Variants in DSTN observed in about 807,000 individuals in gnomAD.
DSTN encodes destrin, actin depolymerizing factor.
DSTN carries 10 observed loss-of-function variants against 16.8 expected under a neutral mutation model. The observed-to-expected ratio is 0.60, with a 90% CI of 0.37 to 1.01. The LOEUF is 1.01. DSTN is among the 50% of genes least tolerant of loss of function. The probability of loss-of-function intolerance (pLI) is 0.01; values close to 1 mark genes in which losing one functional copy is unlikely to be tolerated. For synonymous variants in DSTN, 57 were observed against 58.9 expected (o/e 0.97, Z 0.14); for missense variants, 141 against 196.7 (o/e 0.72, Z 1.69).
At chr20:17,603,611 C>T (rs768002197) in intron 2 of DSTN, among the ~76,000 whole-genome samples, 3 of 152,198 alleles carry the variant, frequency 2.0e-5, no homozygotes, top group Non-Finnish European at 2.9e-5. Context: ...GGGAGGGTTT[C>T]TGTCCGTTAC....
At chr20:17,572,592 T>G (rs1019073986) in intron 1 of DSTN, among the ~76,000 whole-genome samples, 2 of 152,210 alleles carry the variant, frequency 1.3e-5, no homozygotes, top group Non-Finnish European at 2.9e-5. Flanking sequence ...TAATCTGGAC[T>G]GTGGTCTCAC....
At chr20:17,604,133 C>CT (rs903947733) in intron 2 of DSTN, among the ~76,000 whole-genome samples, 6 of 152,110 alleles carry the variant, frequency 3.9e-5, no homozygotes, top group African/African-American at 1.4e-4. Flanking sequence ...TATTTTAAAA[C>CT]TTTTTTCCAA....
chr20:17,574,011 A>G (rs1358680372), intron 1 of DSTN, among the ~76,000 whole-genome samples: 2 of 152,056 alleles, frequency 1.3e-5, no homozygotes, highest in Non-Finnish European at 2.9e-5. Flanking sequence ...ACCAGCCTGG[A>G]CAATATAGTG....
intron 1 of DSTN, among the ~76,000 whole-genome samples, chr20:17,574,324 C>G (rs140391296): frequency 6.6e-6 from 1 of 152,156 alleles, no homozygotes; most frequent in Non-Finnish European, 1.5e-5. Flanking sequence ...GTTCAATACT[C>G]TCTGTTAATT....
intron 1 of DSTN, chr20:17,591,791 C>T (rs2035472317): frequency 1.5e-6 from 1 of 648,102 alleles, no homozygotes; most frequent in South Asian, 6.9e-5. Flanking sequence ...GGTGACATAG[C>T]TAGTTAGTAG....
intron 3 of DSTN, among the ~76,000 whole-genome samples, chr20:17,606,781 G>T (rs146168377): frequency 6.6e-6 from 1 of 152,162 alleles, no homozygotes; most frequent in Non-Finnish European, 1.5e-5. Context: ...GGCTGATTTT[G>T]TATGCTATAC....
intron 1 of DSTN, among the ~76,000 whole-genome samples, chr20:17,592,744 A>G (rs1233145770): frequency 6.6e-6 from 1 of 152,192 alleles, no homozygotes; most frequent in East Asian, 1.9e-4. Flanking sequence ...ATTATTAATT[A>G]GCCTCCTGAT....
chr20:17,579,702 C>T (rs971461788), intron 1 of DSTN, among the ~76,000 whole-genome samples: 2 of 152,170 alleles, frequency 1.3e-5, no homozygotes, highest in Non-Finnish European at 2.9e-5. Context: ...ACTTGCTATC[C>T]AAGTGGAAGA....
intron 1 of DSTN, among the ~76,000 whole-genome samples, chr20:17,589,499 C>T (rs901278489): frequency 6.6e-6 from 1 of 152,238 alleles, no homozygotes; most frequent in Non-Finnish European, 1.5e-5. Context: ...GCCGCAGCGC[C>T]CAGCCAAGTT....
At chr20:17,577,303 G>T (rs1480187294) in intron 1 of DSTN, among the ~76,000 whole-genome samples, 4 of 152,204 alleles carry the variant, frequency 2.6e-5, no homozygotes, top group Non-Finnish European at 5.9e-5. Context: ...TTGCCCTGGA[G>T]CAATCTTTGA....
chr20:17,603,060 A>T (rs1331513657), intron 2 of DSTN, among the ~76,000 whole-genome samples: 1 of 152,170 alleles, frequency 6.6e-6, no homozygotes, highest in Non-Finnish European at 1.5e-5. Flanking sequence ...TGTAGCTCAA[A>T]CATCTGCCAG....
At chr20:17,574,116 A>ATT (rs1555807816) in intron 1 of DSTN, among the ~76,000 whole-genome samples, 1 of 152,174 alleles carries the variant, frequency 6.6e-6, no homozygotes. Context: ...AGGTGGGAGT[A>ATT]TTGCTTGAGC....
chr20:17,581,867 C>T (rs2035348890), intron 1 of DSTN, among the ~76,000 whole-genome samples: 1 of 152,086 alleles, frequency 6.6e-6, no homozygotes, highest in African/African-American at 2.4e-5. Flanking sequence ...AGTATATATT[C>T]ATTGTAGAAC....
At chr20:17,588,243 T>C (rs1324970494) in intron 1 of DSTN, among the ~76,000 whole-genome samples, 1 of 152,212 alleles carries the variant, frequency 6.6e-6, no homozygotes. Flanking sequence ...TCAGGTACTT[T>C]TGGTTTACAG....
chr20:17,600,658 A>G (rs987485274), intron 1 of DSTN, 80 bp from the exon 2 acceptor site: 6 of 1,410,864 alleles, frequency 4.3e-6, no homozygotes, highest in South Asian at 3.1e-5. Flanking sequence ...ATATATGCCA[A>G]TCTATAAGCA....
Position 17,597,569 on chromosome 20 carries a change from C to G in DSTN, c.4-3169C>G, listed in dbSNP as rs548752278. Among the ~76,000 whole-genome samples the G allele has an allele frequency of 2.0e-5, 3 of 152,320 alleles. No individual in the cohort carries two copies. In the South Asian group the frequency reaches 6.2e-4, roughly 32 times the overall value. On this transcript the variant is annotated intron_variant, in intron 1 of 3. Coordinates refer to ENST00000246069, the MANE Select transcript of DSTN (RefSeq NM_006870.4). ...TTTAGGGTATCCATCACCCGAATAA[C>G]ATACATTCTACCCATTAATTAATTC...
chr20:17,584,668 A>G (rs1164802277), intron 1 of DSTN, among the ~76,000 whole-genome samples: 1 of 151,416 alleles, frequency 6.6e-6, no homozygotes, highest in Non-Finnish European at 1.5e-5. Context: ...AAAAAAAAAA[A>G]GGCTTACCAG....
chr20:17,585,770 A>G (rs1448174736), intron 1 of DSTN, among the ~76,000 whole-genome samples: 1 of 152,082 alleles, frequency 6.6e-6, no homozygotes, highest in Non-Finnish European at 1.5e-5. Context: ...TCCTATCCCC[A>G]ACAACCACTG....
intron 1 of DSTN, among the ~76,000 whole-genome samples, chr20:17,574,759 AAAAAC>A (rs1250126417): frequency 6.7e-6 from 1 of 150,318 alleles, no homozygotes; most frequent in Non-Finnish European, 1.5e-5. Flanking sequence ...TAAAAGTCTA[AAAAAC>A]AAACATGCAA....
Sources: gnomAD v4.1 joint callset for allele counts (sites outside exome capture counted in the v4.1 genomes callset) on GRCh38, gnomAD v4.1.1 for gene constraint, MANE v1.5 for transcripts, NCBI Gene and HGNC (gene_info 2026-07-23, HGNC 2026-07-21) for gene names.